Variants in ADGRV1 observed in about 807,000 individuals in gnomAD.
The protein encoded by ADGRV1 is adhesion G protein-coupled receptor V1.
ADGRV1 carries 359 observed loss-of-function variants against 596.2 expected under a neutral mutation model. That is an observed-to-expected ratio of 0.60 (90% confidence interval 0.55 to 0.66). The LOEUF (loss-of-function observed/expected upper bound fraction) is 0.66, where lower values mean the gene tolerates loss of function less well. Ranked by LOEUF, ADGRV1 falls within the 30% of genes least tolerant of loss-of-function variation. ADGRV1 has a pLI of 0.00. For synonymous variants in ADGRV1, 2,681 were observed against 2,679.2 expected (o/e 1.00, Z -0.02); for missense variants, 7,274 against 7,575.6 (o/e 0.96, Z 1.48).
rs140392488 is a variant in ADGRV1 at position 90,953,718 on chromosome 5, T to G, written c.17857-11697T>G. Among the ~76,000 whole-genome samples the G allele has an allele frequency of 9.0e-3, 1,365 of 152,222 alleles. 18 individuals carry two copies. The highest frequency in any genetic ancestry group is 0.032 in the African/African-American group (1,317 of 41,558). The stretch of plus-strand genomic sequence containing the variant: ...TTTAGGTATTTAATGTAATTTGAAG[T>G]AAAAGTTTGAATTGAAAATAATTAT... On this transcript the variant is annotated intron_variant, in intron 83 of 89. Transcript: ENST00000405460.
chr5:91,140,465 T>C (rs1451694307), intron 87 of ADGRV1, among the ~76,000 whole-genome samples: 3 of 152,242 alleles, frequency 2.0e-5, no homozygotes, highest in African/African-American at 7.2e-5. Context: ...TAATCTTATT[T>C]ATTACAGCAC....
intron 87 of ADGRV1, among the ~76,000 whole-genome samples, chr5:91,114,110 T>C (rs893445852): frequency 2.6e-5 from 4 of 151,568 alleles, no homozygotes; most frequent in African/African-American, 4.9e-5. Context: ...TCCCAGCTAC[T>C]TGAGAGGCTG....
chr5:90,677,234 C>T (rs764820760), intron 25 of ADGRV1, among the ~76,000 whole-genome samples: 42 of 152,110 alleles, frequency 2.8e-4, no homozygotes, highest in Non-Finnish European at 5.3e-4. Context: ...CGAAAATTGT[C>T]TTTATGTATA....
chr5:90,789,657 C>T, intron 68 of ADGRV1, 45 bp from the exon 69 acceptor site: 2 of 1,146,972 alleles, frequency 1.7e-6, no homozygotes, highest in Non-Finnish European at 2.5e-6. Flanking sequence ...TAATTTCATC[C>T]CTATTGTTTT....
intron 83 of ADGRV1, among the ~76,000 whole-genome samples, chr5:90,916,354 A>G (rs1029139139): frequency 1.3e-5 from 2 of 152,168 alleles, no homozygotes; most frequent in Admixed American, 6.5e-5. Context: ...ACATCATTAC[A>G]ATGTTTTATA....
chr5:90,674,329 G>C, intron 23 of ADGRV1, 95 bp downstream of exon 23: 1 of 863,856 alleles, frequency 1.2e-6, no homozygotes. Context: ...AATGACGGAA[G>C]TAGAATGCCT....
chr5:90,594,691 T>G (rs991370998), intron 1 of ADGRV1, among the ~76,000 whole-genome samples: 16 of 149,804 alleles, frequency 1.1e-4, no homozygotes, highest in African/African-American at 3.3e-4. Flanking sequence ...TGACTCTTAA[T>G]GAGCATGCTG....
intron 85 of ADGRV1, among the ~76,000 whole-genome samples, chr5:90,989,430 A>G (rs914737893): frequency 2.6e-5 from 4 of 152,176 alleles, no homozygotes; most frequent in African/African-American, 4.8e-5. Context: ...TCAATATTCT[A>G]TAATCATGAA....
chr5:90,698,905 T>C (rs1046572757), intron 34 of ADGRV1, among the ~76,000 whole-genome samples: 5 of 152,100 alleles, frequency 3.3e-5, no homozygotes, highest in African/African-American at 1.2e-4. Context: ...AATCAGTGTG[T>C]CTCATACTAA....
chr5:91,102,103 G>C, intron 86 of ADGRV1, 116 bp from the exon 87 acceptor site: 1 of 907,226 alleles, frequency 1.1e-6, no homozygotes, highest in Non-Finnish European at 1.6e-6. Context: ...GGATTTCCAA[G>C]GTTGTTCTCT....
intron 1 of ADGRV1, among the ~76,000 whole-genome samples, chr5:90,577,749 G>A (rs1204108071): frequency 1.3e-5 from 2 of 152,190 alleles, no homozygotes; most frequent in Non-Finnish European, 2.9e-5. Context: ...CTATCCATGA[G>A]CATGGAAGGT....
intron 1 of ADGRV1, among the ~76,000 whole-genome samples, chr5:90,596,353 C>T (rs1270326899): frequency 6.6e-6 from 1 of 151,554 alleles, no homozygotes; most frequent in Admixed American, 6.6e-5. Flanking sequence ...CGATGGGCGG[C>T]CAGGCAGAGA....
chr5:90,583,305 A>C (rs547839490), intron 1 of ADGRV1, among the ~76,000 whole-genome samples: 10 of 152,210 alleles, frequency 6.6e-5, no homozygotes, highest in African/African-American at 2.4e-4. Flanking sequence ...AGTAATATTC[A>C]TGAGTGATAT....
At chr5:90,828,102 TA>T (rs1483627385) in intron 76 of ADGRV1, among the ~76,000 whole-genome samples, 1 of 152,174 alleles carries the variant, frequency 6.6e-6, no homozygotes, top group African/African-American at 2.4e-5. Context: ...CAATATGTTA[TA>T]AAATTGAATT....
intron 70 of ADGRV1, among the ~76,000 whole-genome samples, chr5:90,797,525 A>T (rs891845148): frequency 6.6e-6 from 1 of 152,062 alleles, no homozygotes; most frequent in Non-Finnish European, 1.5e-5. Context: ...CACAATAATA[A>T]TGAGAGACTT....
chr5:91,117,073 T>G (rs1189215330), intron 87 of ADGRV1, among the ~76,000 whole-genome samples: 1 of 152,162 alleles, frequency 6.6e-6, no homozygotes, highest in Non-Finnish European at 1.5e-5. Flanking sequence ...GTTAAGATGG[T>G]CATTTAAAAA....
intron 83 of ADGRV1, among the ~76,000 whole-genome samples, chr5:90,906,123 A>G (rs1168892763): frequency 6.6e-6 from 1 of 152,064 alleles, no homozygotes; most frequent in Non-Finnish European, 1.5e-5. Context: ...TGTTGCATTC[A>G]GTTTGCTAGT....
chr5:91,157,266 A>G (rs948574093), intron 89 of ADGRV1, among the ~76,000 whole-genome samples: 2 of 152,242 alleles, frequency 1.3e-5, no homozygotes, highest in African/African-American at 4.8e-5. Context: ...AGCCTTTTGC[A>G]TGTGTTTAAA....
chr5:90,584,887 G>C (rs1487750906), intron 1 of ADGRV1, among the ~76,000 whole-genome samples: 1 of 152,172 alleles, frequency 6.6e-6, no homozygotes, highest in Non-Finnish European at 1.5e-5. Context: ...TAATGGAGAA[G>C]TGTCAAAAAA....
Sources: allele counts gnomAD v4.1 joint callset (sites outside exome capture counted in the v4.1 genomes callset), GRCh38; gene constraint gnomAD v4.1.1; transcripts MANE v1.5; gene names NCBI Gene and HGNC (gene_info 2026-07-23, HGNC 2026-07-21).